The following ZBTB48 variants were observed in gnomAD, a reference collection of about 807,000 sequenced individuals.
The protein encoded by ZBTB48 is zinc finger and BTB domain containing 48, also known as zinc finger and BTB domain-containing protein 48.
Under a neutral mutation model 64.5 loss-of-function variants are expected in ZBTB48, and 35 were observed. The observed-to-expected ratio is 0.54, with a 90% CI of 0.41 to 0.72. The LOEUF (loss-of-function observed/expected upper bound fraction) is 0.72. Among genes scored for constraint, ZBTB48 ranks in the 30% least tolerant of loss-of-function variants. The pLI is 0.00. For synonymous variants in ZBTB48, 442 were observed against 356.7 expected (o/e 1.24, Z -2.70); for missense variants, 828 against 895.3 (o/e 0.92, Z 0.96).
At chr1:6,583,589 G>T (rs528846818) in intron 3 of ZBTB48, among the ~76,000 whole-genome samples, 11 of 149,864 alleles carry the variant, frequency 7.3e-5, no homozygotes, top group Admixed American at 2.7e-4. Context: ...ATGAGCCACT[G>T]CGCCCAGCCT....
chr1:6,588,618 T>A, intron 9 of ZBTB48, 138 bp from the exon 10 acceptor site: 1 of 1,452,154 alleles, frequency 6.9e-7, no homozygotes, highest in Non-Finnish European at 9.3e-7. Flanking sequence ...TGGGTGGCAC[T>A]GGAGAGCCTG....
In ZBTB48 at chr1:6,581,074, G is replaced by A; in HGVS notation, c.465G>A (p.Arg155=). 6.2e-7 allele frequency: 1 copy of A among 1,613,170 alleles called. No homozygotes were observed. The highest frequency in any genetic ancestry group is 8.5e-7 in the Non-Finnish European group (1 of 1,179,968). ...PAGLEEEEVS[R]TLGLVPRDQE... is the part of the protein sequence containing the mutation. Reference sequence around the variant, plus strand: ...GCTTGGAAGAAGAGGAAGTTTCGAGGACTCTGGGTCTAGTCCCCAGGGATC... The same window carrying A: ...GCTTGGAAGAAGAGGAAGTTTCGAGAACTCTGGGTCTAGTCCCCAGGGATC... The change falls in exon 2 of 11, where the codon AGG becomes AGA. Residue 155 remains arginine (R), a synonymous_variant. Coordinates refer to ENST00000377674, the MANE Select transcript of ZBTB48 (RefSeq NM_005341.4).
At chr1:6,586,459 C>A in intron 4 of ZBTB48, 1 of 796,296 alleles carries the variant, frequency 1.3e-6, no homozygotes, top group Non-Finnish European at 1.8e-6. Context: ...GTGGGTGAGG[C>A]CACTCGGACC....
intron 3 of ZBTB48, among the ~76,000 whole-genome samples, chr1:6,583,889 C>A (rs1190743677): frequency 6.6e-6 from 1 of 151,462 alleles, no homozygotes; most frequent in Non-Finnish European, 1.5e-5. Flanking sequence ...AAGCGATTCT[C>A]CTGCCTCAGC....
chr1:6,580,868 C>A lies in ZBTB48; in HGVS notation c.259C>A (p.Leu87Ile), dbSNP rs758997645. ...CTTTTTCTACACTGGTCACCTCGCTCTCACCTCAGGGAACCGGGATCAGGT... is the reference window on the plus strand; with the variant it reads ...CTTTTTCTACACTGGTCACCTCGCTATCACCTCAGGGAACCGGGATCAGGT... ...LDFFYTGHLA[L>I]TSGNRDQVLL... Residue 87 changes from leucine to isoleucine, a missense_variant, in exon 2 of 11, where the codon CTC (leucine) becomes ATC (isoleucine). By Grantham distance (5) the Leu-to-Ile change is conservative (BLOSUM62 2). Coordinates refer to ENST00000377674, the MANE Select transcript of ZBTB48 (RefSeq NM_005341.4). This position sits in a 1 kb window ranked among gnomAD's most constrained non-coding sequence, Gnocchi z 5.2. 2.5e-6 allele frequency: 4 copies of A among 1,614,202 alleles called. No individual in the cohort carries two copies. The East Asian group carries it at 8.9e-5, about 36-fold the overall frequency.
chr1:6,582,584 C>G (rs1211953972), intron 3 of ZBTB48, among the ~76,000 whole-genome samples: 1 of 152,240 alleles, frequency 6.6e-6, no homozygotes, highest in African/African-American at 2.4e-5. Context: ...CTGGTCTCTG[C>G]TAACAGAATG....
rs1253403754 is a variant in ZBTB48 at position 6,584,270 on chromosome 1, T to TA, written c.933-1648dup. ...TTAAATAAAAATTCAGTTCCTCAGA[T>TA]ACGTTAGCCAAATCTGAAGTGGTGA... On this transcript the variant is annotated intron_variant, in intron 3 of 10. Coordinates refer to ENST00000377674, the MANE Select transcript of ZBTB48 (RefSeq NM_005341.4). The surrounding 1 kb of genome is among the most constrained non-coding windows in gnomAD (Gnocchi z 4.5). Among the ~76,000 whole-genome samples the TA allele has an allele frequency of 6.6e-6, 1 of 152,274 alleles. No individual in the cohort carries two copies. Among genetic ancestry groups the TA allele is most frequent in the African/African-American group, 2.4e-5 (1 of 41,470 alleles).
At chr1:6,582,373 A>G (rs1640504207) in intron 3 of ZBTB48, 74 bp downstream of exon 3, 1 of 1,551,908 alleles carries the variant, frequency 6.4e-7, no homozygotes, top group Middle Eastern at 1.7e-4. Flanking sequence ...TGCACTTCCC[A>G]CTTCTGGGTG....
rs747678881 is a variant in ZBTB48, at chr1:6,589,025, C to T, written c.1880C>T (p.Ala627Val). 16 of 1,595,748 alleles carry T rather than the reference C, an allele frequency of 1.0e-5. No individual in the cohort carries two copies. Among genetic ancestry groups the T allele is most frequent in the East Asian group, 2.2e-5 (1 of 44,674 alleles). The change falls in exon 11 of 11, where the codon GCG becomes GTG. Residue 627 changes from alanine to valine, a missense_variant. Ala to Val is a moderately conservative substitution (Grantham distance 64). Transcript: ENST00000377674. ...GAGGACGAGAAGATGGTGGTGGTGG[C>T]GCTGCAGCCGCCTGCAGAGCTGGAG... The part of the protein sequence containing the change: ...IIEDEKMVVV[A>V]LQPPAELEVG...
chr1:6,584,203 C>T lies in ZBTB48; in HGVS notation c.933-1716C>T, dbSNP rs1372801455. Among the ~76,000 whole-genome samples the T allele has an allele frequency of 2.6e-5, 4 of 152,238 alleles. No homozygotes were observed. The highest frequency in any genetic ancestry group is 5.9e-5 in the Non-Finnish European group (4 of 68,040). On this transcript the variant is annotated intron_variant, in intron 3 of 10. Transcript: ENST00000377674. This position sits in a 1 kb window ranked among gnomAD's most constrained non-coding sequence, Gnocchi z 4.5. ...TGCTGGGATTACAGGCGAGAGCCACCGTGCCCAGCCCCCAGGGACTATTTT... is the reference window on the plus strand; with the variant it reads ...TGCTGGGATTACAGGCGAGAGCCACTGTGCCCAGCCCCCAGGGACTATTTT...
chr1:6,586,486 TGGGCCTGAGAA>T, intron 4 of ZBTB48, 198 bp from the exon 5 acceptor site: 2 of 1,088,044 alleles, frequency 1.8e-6, no homozygotes, highest in Non-Finnish European at 2.5e-6. Flanking sequence ...CCAGTCTGTC[TGGGCCTGAGAA>T]GGGCCTGGTG....
rs372929912 is a variant in ZBTB48, at chr1:6,585,517, C to T, written c.933-402C>T. 3.4e-4 allele frequency: 68 copies of T among 201,310 alleles called. No homozygotes were observed. In the East Asian group the frequency reaches 7.6e-3, roughly 22 times the overall value. The allele number at this position is 201,310 out of a possible 1,614,324, so 12.5% of individuals were successfully genotyped here. ...ACCAGATGGGCAGCTCCCCTGGCTA[C>T]CTGGGAGAAGCTGTTGCCAGCCTTG... On this transcript the variant is annotated intron_variant, in intron 3 of 10. Coordinates refer to ENST00000377674, the MANE Select transcript of ZBTB48 (RefSeq NM_005341.4).
chr1:6,581,408 T>A (rs921378893), intron 2 of ZBTB48, 109 bp downstream of exon 2: 128 of 1,279,438 alleles, frequency 1.0e-4, no homozygotes, highest in Middle Eastern at 5.3e-4. Context: ...ACGCCTGTAA[T>A]CCTAGCACTT....
intron 9 of ZBTB48, 61 bp downstream of exon 9, chr1:6,588,503 AG>A: frequency 6.9e-7 from 1 of 1,458,330 alleles, no homozygotes; most frequent in Non-Finnish European, 9.0e-7. Context: ...GTCTCTGAGG[AG>A]GAAACGCTCC....
chr1:6,583,051 C>T (rs565983402), intron 3 of ZBTB48, among the ~76,000 whole-genome samples: 12 of 152,204 alleles, frequency 7.9e-5, no homozygotes, highest in East Asian at 5.8e-4. Context: ...AGTGCAGTAG[C>T]GTGATCTCAG....
chr1:6,582,248 C>G lies in ZBTB48; in HGVS notation c.881C>G (p.Pro294Arg). The G allele has an allele frequency of 6.2e-7, 1 of 1,613,634 alleles. No homozygotes were observed. Among genetic ancestry groups the G allele is most frequent in the Non-Finnish European group, 8.5e-7 (1 of 1,179,590 alleles). ...GGTACAGCGGTGCCGGTCGAATGCC[C>G]CACATGTCATAAAAAGTTCCTCAGC... ...RKGTAVPVEC[P>R]TCHKKFLSKY... Residue 294 changes from proline to arginine, a missense_variant, in exon 3 of 11, where the codon CCC becomes CGC. Pro to Arg is a moderately radical substitution (Grantham distance 103). Transcript: ENST00000377674.
chr1:6,580,429 C>T lies in ZBTB48; in HGVS notation c.-69-112C>T. 1.5e-6 allele frequency: 1 copy of T among 645,528 alleles called. No individual in the cohort carries two copies. Among genetic ancestry groups the T allele is most frequent in the South Asian group, 2.0e-5 (1 of 49,176 alleles). 40.0% of individuals were successfully genotyped at this position (645,528 alleles called of 1,614,324 possible). On this transcript the variant is annotated intron_variant, in intron 1 of 10. Transcript: ENST00000377674. This position sits in a 1 kb window ranked among gnomAD's most constrained non-coding sequence, Gnocchi z 5.2. Reference sequence around the variant, plus strand: ...TGGCCCCCGGCCCCCGGGAGGCTGTCAGTGTGTTCCAGCCCTCCGCGTGCA... The same window carrying T: ...TGGCCCCCGGCCCCCGGGAGGCTGTTAGTGTGTTCCAGCCCTCCGCGTGCA...
At chr1:6,582,449 C>G (rs2148685839) in intron 3 of ZBTB48, 150 bp downstream of exon 3, 1 of 1,100,804 alleles carries the variant, frequency 9.1e-7, no homozygotes, top group African/African-American at 1.6e-5. Context: ...CTCTGATAAT[C>G]AGGAAGTGAG....
chr1:6,580,274 C>T lies in ZBTB48; in HGVS notation c.-70+138C>T. 1 of 255,558 alleles carries T rather than the reference C, an allele frequency of 3.9e-6. No homozygotes were observed. Among genetic ancestry groups the T allele is most frequent in the South Asian group, 6.6e-5 (1 of 15,246 alleles). The allele number at this position is 255,558 out of a possible 1,614,324, so 15.8% of individuals were successfully genotyped here. ...CTGCCGCCCTCCGCCGTCCGGGATC[C>T]TCTCACTGTGCCGGGCCAGTCCGTT... On this transcript the variant is annotated intron_variant, in intron 1 of 10. Coordinates refer to ENST00000377674, the MANE Select transcript of ZBTB48 (RefSeq NM_005341.4). The surrounding 1 kb of genome is among the most constrained non-coding windows in gnomAD (Gnocchi z 5.2).
Sources: gnomAD v4.1 joint callset for allele counts (sites outside exome capture counted in the v4.1 genomes callset) on GRCh38, gnomAD v4.1.1 for gene constraint, Gnocchi (gnomAD v3.1) non-coding constraint, MANE v1.5 for transcripts, NCBI Gene and HGNC (gene_info 2026-07-23, HGNC 2026-07-21) for gene names.